Variants in APBB3 observed in about 807,000 individuals in gnomAD.
APBB3 encodes amyloid-beta A4 precursor protein-binding family B member 3.
A neutral mutation model predicts 61.5 loss-of-function variants in APBB3; 50 were observed. The ratio of observed to expected loss-of-function variants is 0.81; its 90% CI spans 0.65 to 1.03. APBB3 has a LOEUF of 1.03. Among genes scored for constraint, APBB3 ranks in the 50% least tolerant of loss-of-function variants. The pLI, the probability that APBB3 is intolerant of heterozygous loss-of-function variation, is 0.00. For missense variants in APBB3, 550 were observed against 637.4 expected, an observed-to-expected ratio of 0.86 and a Z score of 1.48; for synonymous variants, 235 against 233.0, an observed-to-expected ratio of 1.01 and a Z score of -0.08.
At position 140,560,282 on chromosome 5, in the gene APBB3, T is replaced by TAC; in HGVS notation, c.1224+30_1224+31insGT. On this transcript the variant is annotated intron_variant, in intron 12 of 12. Coordinates refer to ENST00000357560, the MANE Select transcript of APBB3 (RefSeq NM_133173.3). This position sits in a 1 kb window ranked among gnomAD's most constrained non-coding sequence, Gnocchi z 5.1. Reference sequence around the variant, plus strand: ...ACAGTGGAGAGCAGCTGCAGGGCAATCCCACCAACCCATTCCCACCCATGA... The same window carrying TAC: ...ACAGTGGAGAGCAGCTGCAGGGCAATACCCCACCAACCCATTCCCACCCATGA... 6.3e-7 allele frequency: 1 copy of TAC among 1,596,720 alleles called. No individual in the cohort carries two copies. The highest frequency in any genetic ancestry group is 1.4e-5 in the African/African-American group (1 of 73,692).
In APBB3 at chr5:140,558,642, A is replaced by G. The variant is rs765626152; in HGVS notation, c.1404T>C (p.Gly468=). The G allele has an allele frequency of 6.2e-6, 10 of 1,613,554 alleles. No individual in the cohort carries two copies. The highest frequency in any genetic ancestry group is 2.7e-5 in the African/African-American group (2 of 74,736). ...GGAAGGCATCAAGAAAAGAGAAGAC[A>G]CCCCGCTTTCGAGGGGTTGCCCCTG... ...GGAGATPRKR[G]VFSFLDAFRL... The change falls in exon 13 of 13, where the codon GGT becomes GGC. Residue 468 remains glycine, a synonymous_variant. Coordinates refer to ENST00000357560, the MANE Select transcript of APBB3 (RefSeq NM_133173.3).
Position 140,563,896 on chromosome 5 carries a change from G to C in APBB3, c.69C>G (p.His23Gln). The C allele has an allele frequency of 1.2e-6, 2 of 1,613,952 alleles. No individual in the cohort carries two copies. Among genetic ancestry groups the C allele is most frequent in the Non-Finnish European group, 8.5e-7 (1 of 1,179,994 alleles). The change falls in exon 2 of 13, where the codon CAC becomes CAG. Residue 23 changes from histidine (H) to glutamine (Q), a missense_variant. His to Gln is a conservative substitution (Grantham distance 24, BLOSUM62 0). Transcript: ENST00000357560. ...GCAGGCCAGCCTCCACCTCCAGACT[G>C]TGGTCCCCCCACAAGTCATCTACAG... The part of the protein sequence containing the change: ...VNCDDDLWGD[H>Q]SLEVEAGLPP...
chr5:140,558,853 A>T lies in APBB3; in HGVS notation c.1225-32T>A, dbSNP rs115361603. On this transcript the variant is annotated intron_variant, in intron 12 of 12. Coordinates refer to ENST00000357560, the MANE Select transcript of APBB3 (RefSeq NM_133173.3). ...AGAAGGGGAATGTGAGGATCCAGCT[A>T]CTTTCTGCCTCTAGACTCCCTGAAA... The T allele has an allele frequency of 1.2e-4, 187 of 1,593,842 alleles. No homozygotes were observed. In the African/African-American group the frequency reaches 2.4e-3, roughly 20 times the overall value.
chr5:140,563,848 G>A lies in APBB3; in HGVS notation c.117C>T (p.His39=), dbSNP rs779056507. 6 of 1,614,140 alleles carry A rather than the reference G, an allele frequency of 3.7e-6. No individual in the cohort carries two copies. Among genetic ancestry groups the A allele is most frequent in the South Asian group, 2.2e-5 (2 of 91,084 alleles). Residue 39 remains histidine, a synonymous_variant, in exon 2 of 13, where the codon CAC becomes CAT. Coordinates refer to ENST00000357560, the MANE Select transcript of APBB3 (RefSeq NM_133173.3). ...AGLPPGWRKI[H]DAAGTYYWHV... is the part of the protein sequence containing the mutation. The stretch of plus-strand genomic sequence containing the variant: ...GCCAGTAGTAAGTACCTGCAGCATC[G>A]TGGATCTTCCTCCAGCCAGGAGGCA...
Position 140,561,600 on chromosome 5 carries a change from C to T in APBB3, c.734G>A (p.Gly245Glu). The T allele has an allele frequency of 6.2e-7, 1 of 1,614,234 alleles. No homozygotes were observed. The highest frequency in any genetic ancestry group is 1.1e-5 in the South Asian group (1 of 91,086). Residue 245 changes from glycine to glutamate, a missense_variant, in exon 8 of 13, where the codon GGG becomes GAG. By Grantham distance (98) the Gly-to-Glu change is moderately conservative. This residue lies in a region of APBB3 where 405 missense variants were observed against 483.4 expected (regional missense o/e 0.84). Transcript: ENST00000357560. ...PAKAIASALH[G>E]LCAQILSERV... ...CCTGACACTTACCTGGGCACAAAGC[C>T]CATGTAGGGCACTGGCAATGGCCTT...
Position 140,561,386 on chromosome 5 carries a change from G to A in APBB3, c.811C>T (p.Pro271Ser). 1 of 1,614,208 alleles carries A rather than the reference G, an allele frequency of 6.2e-7. No homozygotes were observed. Among genetic ancestry groups the A allele is most frequent in the Non-Finnish European group, 8.5e-7 (1 of 1,180,046 alleles). Residue 271 changes from proline (P) to serine (S), a missense_variant, in exon 9 of 13, where the codon CCT becomes TCT. Around this residue, in one of 3 missense-constraint regions of APBB3, gnomAD observed 405 missense variants for 483.4 expected, o/e 0.84. Transcript: ENST00000357560. ...ATACCTTGCCGTGGCAGGTCTTCAG[G>A]AGAGATGGGGTCTGGGGAGCAGCAA... ...ASCCSPDPIS[P>S]EDLPRQVELL... is the part of the protein sequence containing the mutation.
At position 140,562,128 on chromosome 5, in the gene APBB3, C is replaced by T. The variant is rs544391182; in HGVS notation, c.598G>A (p.Val200Met). ...IHCQPLVHIR[V>M]WGVGSSKGRD... ...CCCTTGGAGCTCCCCACGCCCCACA[C>T]ACGGATGTGCACCAGAGGCTGGCAG... Residue 200 changes from valine to methionine, a missense_variant, in exon 6 of 13, where the codon GTG (valine) becomes ATG (methionine). Val to Met is a conservative substitution (Grantham distance 21). Coordinates refer to ENST00000357560, the MANE Select transcript of APBB3 (RefSeq NM_133173.3). The T allele has an allele frequency of 1.2e-6, 2 of 1,614,184 alleles. No individual in the cohort carries two copies. The highest frequency in any genetic ancestry group is 1.1e-5 in the South Asian group (1 of 91,090).
Position 140,562,668 on chromosome 5 carries a change from C to T in APBB3, c.346G>A (p.Ala116Thr), listed in dbSNP as rs773371197. 2.5e-5 allele frequency: 40 copies of T among 1,614,090 alleles called. No homozygotes were observed. Among genetic ancestry groups the T allele is most frequent in the African/African-American group, 4.0e-5 (3 of 74,928 alleles). Residue 116 changes from alanine to threonine, a missense_variant, in exon 4 of 13, where the codon GCT (alanine) becomes ACT (threonine). Transcript: ENST00000357560. ...ESYIQSMEPG[A>T]KCFAVRSLGW... ...CCTCAGGCCCAAGTCACTACCTTAG[C>T]CCCTGGCTCCATGCTCTGGATGTAG...
In APBB3 at chr5:140,558,579, A is replaced by G. The variant is rs1561866639; in HGVS notation, c.*6T>C. 1 of 1,613,896 alleles carries G rather than the reference A, an allele frequency of 6.2e-7. No homozygotes were observed. Among genetic ancestry groups the G allele is most frequent in the Non-Finnish European group, 8.5e-7 (1 of 1,179,748 alleles). The stretch of plus-strand genomic sequence containing the variant: ...GAGCCTACTTCCCCAGCCTTCCCAG[A>G]TAAGTTTAGGGCATATGGAGCAGAG... On this transcript the variant is annotated 3_prime_UTR_variant, in exon 13 of 13. Coordinates refer to ENST00000357560, the MANE Select transcript of APBB3 (RefSeq NM_133173.3).
chr5:140,563,056 C>A, intron 3 of APBB3: 1 of 345,180 alleles, frequency 2.9e-6, no homozygotes, highest in Non-Finnish European at 5.4e-6. Flanking sequence ...ACCATCCTGG[C>A]CAACATGGTG....
chr5:140,558,963 C>T (rs1754828191), intron 12 of APBB3, 142 bp from the exon 13 acceptor site: 1 of 735,216 alleles, frequency 1.4e-6, no homozygotes, highest in Non-Finnish European at 2.4e-6. Context: ...CTAGAGCATT[C>T]CCAGGTAGCT....
intron 9 of APBB3, 55 bp downstream of exon 9, chr5:140,561,310 A>G: frequency 6.3e-7 from 1 of 1,588,368 alleles, no homozygotes; most frequent in African/African-American, 1.3e-5. Context: ...TCGCCCCCCC[A>G]CAAAGCAGCA....
In APBB3 at chr5:140,563,919, C is replaced by T. The variant is rs1755090455; in HGVS notation, c.50-4G>A. 1 of 1,613,046 alleles carries T rather than the reference C, an allele frequency of 6.2e-7. No homozygotes were observed. The highest frequency in any genetic ancestry group is 8.5e-7 in the Non-Finnish European group (1 of 1,179,730). On this transcript the variant is annotated splice_region_variant and splice_polypyrimidine_tract_variant and intron_variant, in intron 1 of 12. Transcript: ENST00000357560. ...CTGTGGTCCCCCCACAAGTCATCTA[C>T]AGGAACACCGGATTAGAGAGGAGGG...
At chr5:140,559,796 T>C (rs1346810686) in intron 12 of APBB3, among the ~76,000 whole-genome samples, 1 of 152,252 alleles carries the variant, frequency 6.6e-6, no homozygotes. Context: ...CTGGTCTATC[T>C]TGGCTCTATC....
At chr5:140,561,794 T>A in intron 7 of APBB3, 50 bp downstream of exon 7, 1 of 1,613,970 alleles carries the variant, frequency 6.2e-7, no homozygotes, top group Non-Finnish European at 8.5e-7. Flanking sequence ...ATAGCAGGGA[T>A]GGAGTAGGGA....
Position 140,560,483 on chromosome 5 carries a change from C to A in APBB3, c.1054G>T (p.Glu352Ter). The A allele has an allele frequency of 6.2e-7, 1 of 1,613,902 alleles. No homozygotes were observed. Among genetic ancestry groups the A allele is most frequent in the Non-Finnish European group, 8.5e-7 (1 of 1,179,930 alleles). Residue 352 changes from glutamate (E) to a stop codon, truncating the protein, a stop_gained, in exon 12 of 13, where the codon GAG (glutamate) becomes TAG (stop). Coordinates refer to ENST00000357560, the MANE Select transcript of APBB3 (RefSeq NM_133173.3). LOFTEE classifies it high-confidence loss of function. This position sits in a 1 kb window ranked among gnomAD's most constrained non-coding sequence, Gnocchi z 5.1. ...PIQAEASTEEEPLWQCPVRLV... is the reference protein window; with the variant it reads ...PIQAEASTEE Reference sequence around the variant, plus strand: ...CGCACAGGGCACTGCCACAATGGCTCCTCCTCTGTACTGGCCTCTGCCTGC... The same window carrying A: ...CGCACAGGGCACTGCCACAATGGCTACTCCTCTGTACTGGCCTCTGCCTGC...
Position 140,560,718 on chromosome 5 carries a change from G to GT in APBB3, c.952dup (p.Thr318AsnfsTer18). On this transcript the variant is annotated frameshift_variant, in exon 11 of 13. Transcript: ENST00000357560. LOFTEE classifies it high-confidence loss of function. This position sits in a 1 kb window ranked among gnomAD's most constrained non-coding sequence, Gnocchi z 5.1. ...CCAGGCATTCCGGTCCCCCCTGGCG[G>GT]TGAGGGTACCAATGGCCTCGTTCAG... The GT allele has an allele frequency of 1.2e-6, 2 of 1,614,210 alleles. No individual in the cohort carries two copies. Among genetic ancestry groups the GT allele is most frequent in the Non-Finnish European group, 8.5e-7 (1 of 1,180,040 alleles).
At chr5:140,558,849 A>T in intron 12 of APBB3, 28 bp from the exon 13 acceptor site, 1 of 1,601,698 alleles carries the variant, frequency 6.2e-7, no homozygotes, top group Non-Finnish European at 8.5e-7. Context: ...GTGAGGATCC[A>T]GCTACTTTCT....
rs1376978843 is a variant in APBB3, at chr5:140,560,912, A to C, written c.916+106T>G. The C allele has an allele frequency of 7.0e-7, 1 of 1,423,952 alleles. No individual in the cohort carries two copies. Among genetic ancestry groups the C allele is most frequent in the Non-Finnish European group, 9.7e-7 (1 of 1,028,570 alleles). The allele number at this position is 1,423,952 out of a possible 1,614,324, so 88.2% of individuals were successfully genotyped here. A position where few individuals can be genotyped will look rare whatever the true frequency, so the allele number is the denominator to read the frequency against. On this transcript the variant is annotated intron_variant, in intron 10 of 12. Coordinates refer to ENST00000357560, the MANE Select transcript of APBB3 (RefSeq NM_133173.3). The surrounding 1 kb of genome is among the most constrained non-coding windows in gnomAD (Gnocchi z 5.1). ...TGGGAAGGCTGGTAGACCCCAGGCCATAACAAGGCCACGGGAGGACTCTTG... is the reference window on the plus strand; with the variant it reads ...TGGGAAGGCTGGTAGACCCCAGGCCCTAACAAGGCCACGGGAGGACTCTTG...
Sources: gnomAD v4.1 joint callset for allele counts (sites outside exome capture counted in the v4.1 genomes callset) on GRCh38, gnomAD v4.1.1 for gene constraint, gnomAD v4.1.1 regional missense constraint, Gnocchi (gnomAD v3.1) non-coding constraint, MANE v1.5 for transcripts, NCBI Gene and HGNC (gene_info 2026-07-23, HGNC 2026-07-21) for gene names.